Variants in GALNTL6 observed in about 807,000 individuals in gnomAD.
The protein encoded by GALNTL6 is polypeptide N-acetylgalactosaminyltransferase-like 6.
GALNTL6 carries 46 observed loss-of-function variants against 73.7 expected under a neutral mutation model. The observed-to-expected ratio is 0.62, with a 90% CI of 0.49 to 0.80. The LOEUF (loss-of-function observed/expected upper bound fraction) is 0.80. Ranked by LOEUF, GALNTL6 falls within the 30% of genes least tolerant of loss-of-function variation. The pLI is 0.00. For synonymous variants in GALNTL6, 259 were observed against 263.7 expected (o/e 0.98, Z 0.17); for missense variants, 604 against 755.0 (o/e 0.80, Z 2.34).
chr4:173,027,591 A>G (rs766189763), intron 12 of GALNTL6, among the ~76,000 whole-genome samples: 2 of 152,202 alleles, frequency 1.3e-5, no homozygotes, highest in African/African-American at 4.8e-5. Context: ...ACCCACAACT[A>G]CCATCACTCT....
chr4:172,114,729 CAAAT>C (rs907664600), intron 2 of GALNTL6, among the ~76,000 whole-genome samples: 6 of 152,154 alleles, frequency 3.9e-5, no homozygotes, highest in African/African-American at 7.2e-5. Flanking sequence ...AGTTCAAACA[CAAAT>C]AAACAGGACA....
intron 8 of GALNTL6, among the ~76,000 whole-genome samples, chr4:172,906,849 A>C (rs1392414648): frequency 6.6e-6 from 1 of 152,232 alleles, no homozygotes; most frequent in Non-Finnish European, 1.5e-5. Flanking sequence ...GGAAAGGCCA[A>C]GTCCCATTTT....
At chr4:173,025,954 T>C (rs1316272362) in intron 12 of GALNTL6, among the ~76,000 whole-genome samples, 1 of 152,230 alleles carries the variant, frequency 6.6e-6, no homozygotes, top group Non-Finnish European at 1.5e-5. Flanking sequence ...ATGCACTTTT[T>C]ACACTGATCA....
At chr4:172,629,491 A>T (rs920766568) in intron 5 of GALNTL6, among the ~76,000 whole-genome samples, 1 of 152,160 alleles carries the variant, frequency 6.6e-6, no homozygotes, top group Non-Finnish European at 1.5e-5. Flanking sequence ...ATATATTTTG[A>T]GACTTTACCC....
chr4:171,868,804 C>T (rs1276644126), intron 2 of GALNTL6, among the ~76,000 whole-genome samples: 1 of 152,140 alleles, frequency 6.6e-6, no homozygotes, highest in African/African-American at 2.4e-5. Flanking sequence ...GCTTCAGCCT[C>T]CTGAGTAGCC....
At position 171,837,306 on chromosome 4, in the gene GALNTL6, A is replaced by G. The variant is rs574504130; in HGVS notation, c.138+22588A>G. ...AATCTAGGACGTAATCCATACTGAA[A>G]GAAGCTAAAGAAATATTACAACTAA... On this transcript the variant is annotated intron_variant, in intron 2 of 12. Coordinates refer to ENST00000506823, the MANE Select transcript of GALNTL6 (RefSeq NM_001034845.3). Among the ~76,000 whole-genome samples, 58 of 152,236 alleles carry G rather than the reference A, an allele frequency of 3.8e-4. 2 individuals carry two copies. The South Asian group carries it at 0.012, about 32-fold the overall frequency.
intron 5 of GALNTL6, among the ~76,000 whole-genome samples, chr4:172,704,803 A>G (rs1490569557): frequency 6.6e-6 from 1 of 151,920 alleles, no homozygotes. Flanking sequence ...GTCTTGTACC[A>G]TTATTGTATT....
chr4:171,942,325 A>G (rs1359407774), intron 2 of GALNTL6, among the ~76,000 whole-genome samples: 1 of 152,030 alleles, frequency 6.6e-6, no homozygotes, highest in East Asian at 1.9e-4. Context: ...TGCTACATGC[A>G]TAACAGGAAG....
chr4:172,594,301 T>C (rs1412146340), intron 5 of GALNTL6, among the ~76,000 whole-genome samples: 1 of 152,084 alleles, frequency 6.6e-6, no homozygotes, highest in Non-Finnish European at 1.5e-5. Flanking sequence ...GCCAAGATCA[T>C]GCCACTGCAC....
intron 5 of GALNTL6, among the ~76,000 whole-genome samples, chr4:172,491,315 C>CT (rs547462339): frequency 1.8e-4 from 27 of 146,776 alleles, no homozygotes; most frequent in Non-Finnish European, 2.4e-4. Context: ...TTTTTCCTTG[C>CT]TTTTTTTTAT....
At chr4:172,424,135 G>T (rs1455681530) in intron 5 of GALNTL6, among the ~76,000 whole-genome samples, 1 of 152,030 alleles carries the variant, frequency 6.6e-6, no homozygotes, top group African/African-American at 2.4e-5. Flanking sequence ...TTTGATTTTT[G>T]ACTTCAGCAC....
intron 2 of GALNTL6, among the ~76,000 whole-genome samples, chr4:171,970,250 G>C (rs1293468970): frequency 6.6e-6 from 1 of 152,206 alleles, no homozygotes; most frequent in African/African-American, 2.4e-5. Context: ...GAACTGGAGA[G>C]AAATTCTAAG....
chr4:172,989,339 T>C (rs1264179272), intron 10 of GALNTL6, among the ~76,000 whole-genome samples: 1 of 152,238 alleles, frequency 6.6e-6, no homozygotes, highest in Non-Finnish European at 1.5e-5. Flanking sequence ...TTTCCTCATC[T>C]CAAATGAGAC....
At chr4:172,494,330 T>A (rs909431896) in intron 5 of GALNTL6, among the ~76,000 whole-genome samples, 1 of 152,198 alleles carries the variant, frequency 6.6e-6, no homozygotes, top group Non-Finnish European at 1.5e-5. Context: ...AGTTTTTGAT[T>A]CACAGCATCA....
chr4:171,888,568 T>A (rs932717888), intron 2 of GALNTL6, among the ~76,000 whole-genome samples: 1 of 152,030 alleles, frequency 6.6e-6, no homozygotes, highest in African/African-American at 2.4e-5. Context: ...CAGGGAATAT[T>A]CTGATGGGAC....
In GALNTL6 at chr4:172,992,349, C is replaced by T. The variant is rs565169235; in HGVS notation, c.1372-16829C>T. ...GTAACTTTAAAGCCTCTAGTAAATACAGTATCTGAACTGCCTAATTTAGAT... is the reference window on the plus strand; with the variant it reads ...GTAACTTTAAAGCCTCTAGTAAATATAGTATCTGAACTGCCTAATTTAGAT... On this transcript the variant is annotated intron_variant, in intron 10 of 12. Coordinates refer to ENST00000506823, the MANE Select transcript of GALNTL6 (RefSeq NM_001034845.3). Among the ~76,000 whole-genome samples, 7 of 152,300 alleles carry T rather than the reference C, an allele frequency of 4.6e-5. No homozygotes were observed. In the East Asian group the frequency reaches 1.2e-3, roughly 25 times the overall value.
intron 8 of GALNTL6, among the ~76,000 whole-genome samples, chr4:172,889,843 G>A (rs1409593182): frequency 3.3e-5 from 5 of 151,982 alleles, no homozygotes; most frequent in Non-Finnish European, 7.4e-5. Context: ...GCAGCTCTTC[G>A]TTGTATGGTT....
At chr4:172,934,992 G>C (rs1299490731) in intron 9 of GALNTL6, among the ~76,000 whole-genome samples, 2 of 152,200 alleles carry the variant, frequency 1.3e-5, no homozygotes, top group African/African-American at 2.4e-5. Flanking sequence ...GTGTGTTCAG[G>C]AACAATCAAA....
intron 5 of GALNTL6, among the ~76,000 whole-genome samples, chr4:172,658,191 G>T (rs894933347): frequency 7.0e-6 from 1 of 143,568 alleles, no homozygotes; most frequent in African/African-American, 2.6e-5. Flanking sequence ...GTGGGGCCGG[G>T]TGCAGTGGCT....
Sources: gnomAD v4.1 joint callset for allele counts (sites outside exome capture counted in the v4.1 genomes callset) on GRCh38, gnomAD v4.1.1 for gene constraint, MANE v1.5 for transcripts, NCBI Gene and HGNC (gene_info 2026-07-23, HGNC 2026-07-21) for gene names.